The following RBM47 variants were observed in gnomAD, a reference collection of about 807,000 sequenced individuals.
RBM47 encodes RNA-binding protein 47.
A neutral mutation model predicts 47.1 loss-of-function variants in RBM47; 21 were observed. That is an observed-to-expected ratio of 0.45 (90% CI 0.32 to 0.64). RBM47 has a LOEUF of 0.64. RBM47 is among the 30% of genes least tolerant of loss of function. The probability of loss-of-function intolerance (pLI) is 0.05; values close to 1 mark genes in which losing one functional copy is unlikely to be tolerated. For missense variants in RBM47, 708 were observed against 870.9 expected (o/e 0.81, Z 2.35); for synonymous variants, 375 against 361.7 (o/e 1.04, Z -0.42).
chr4:40,498,117 C>T (rs1016547222), intron 2 of RBM47, among the ~76,000 whole-genome samples: 1 of 138,104 alleles, frequency 7.2e-6, no homozygotes, highest in Admixed American at 7.5e-5. Context: ...AAATGTTGAG[C>T]GCTGTTAGCA....
rs367927651 is a variant in RBM47, at chr4:40,540,638, C to CA, written c.-155+3783dup. Among the ~76,000 whole-genome samples the CA allele has an allele frequency of 8.1e-3, 867 of 106,770 alleles. 5 individuals carry two copies. Among genetic ancestry groups the CA allele is most frequent in the Non-Finnish European group, 0.012 (642 of 53,052 alleles). 70.0% of individuals were successfully genotyped at this position (106,770 alleles called of 152,430 possible). ...AGGTAACAGGAGTGAAACTCTGTCT[C>CA]AAAAAAAAAAAAAAATAATAATAAT... On this transcript the variant is annotated intron_variant, in intron 2 of 6. Coordinates refer to ENST00000295971, the MANE Select transcript of RBM47 (RefSeq NM_001098634.2).
intron 1 of RBM47, among the ~76,000 whole-genome samples, chr4:40,590,844 C>T (rs1734073301): frequency 6.6e-6 from 1 of 152,162 alleles, no homozygotes; most frequent in African/African-American, 2.4e-5. Context: ...GCACTGTCAC[C>T]CACGCTGGAG....
chr4:40,616,190 A>G (rs1262729551), intron 1 of RBM47, among the ~76,000 whole-genome samples: 1 of 152,056 alleles, frequency 6.6e-6, no homozygotes, highest in Non-Finnish European at 1.5e-5. Context: ...CGTCTCTACT[A>G]AAAACACAAA....
At position 40,438,349 on chromosome 4, in the gene RBM47, A is replaced by G; in HGVS notation, c.545T>C (p.Ile182Thr). ...CTTGTCGGCCGCGCTGGCGTAGACG[A>G]TCACGTCCAGCACGCCCTCGGTGAC... ...AKVTEGVLDVIVYASAADKMK... is the reference protein window; with the variant it reads ...AKVTEGVLDVTVYASAADKMK... Residue 182 changes from isoleucine (I) to threonine (T), a missense_variant, in exon 4 of 7, where the codon ATC (isoleucine) becomes ACC (threonine). Transcript: ENST00000295971. 2 of 1,611,206 alleles carry G rather than the reference A, an allele frequency of 1.2e-6. No homozygotes were observed. The highest frequency in any genetic ancestry group is 1.7e-6 in the Non-Finnish European group (2 of 1,179,936).
intron 2 of RBM47, among the ~76,000 whole-genome samples, chr4:40,497,850 G>T (rs56809140): frequency 0.15 from 22,936 of 148,454 alleles, 1,804 homozygotes; most frequent in East Asian, 0.19. Flanking sequence ...AGGTGTGGTG[G>T]CACATGTCTA....
chr4:40,473,013 G>A (rs138608245), intron 2 of RBM47, among the ~76,000 whole-genome samples: 3 of 152,226 alleles, frequency 2.0e-5, no homozygotes, highest in African/African-American at 2.4e-5. Context: ...CACATCCAAC[G>A]ATGTCCCTCA....
At chr4:40,525,427 A>C (rs1343982594) in intron 2 of RBM47, among the ~76,000 whole-genome samples, 1 of 152,208 alleles carries the variant, frequency 6.6e-6, no homozygotes, top group Non-Finnish European at 1.5e-5. Context: ...TCACAAACAA[A>C]GTGATAAACA....
chr4:40,582,687 TTTCCTGAACACA>T (rs1236354596), intron 1 of RBM47, among the ~76,000 whole-genome samples: 2 of 152,324 alleles, frequency 1.3e-5, no homozygotes, highest in African/African-American at 4.8e-5. Context: ...ACTTGTCACG[TTTCCTGAACACA>T]TTCTTCTGGC....
chr4:40,528,776 A>T (rs994687927), intron 2 of RBM47, among the ~76,000 whole-genome samples: 1 of 150,592 alleles, frequency 6.6e-6, no homozygotes, highest in African/African-American at 2.5e-5. Flanking sequence ...TTCAAAAAGA[A>T]AAAAACAAAA....
chr4:40,450,892 A>T (rs1417668069), intron 3 of RBM47, among the ~76,000 whole-genome samples: 1 of 152,188 alleles, frequency 6.6e-6, no homozygotes, highest in Non-Finnish European at 1.5e-5. Context: ...TGCGCATAAA[A>T]TTGCTTTCTG....
chr4:40,432,953 T>C, intron 5 of RBM47, 91 bp from the exon 6 acceptor site: 1 of 1,490,592 alleles, frequency 6.7e-7, no homozygotes, highest in Non-Finnish European at 8.9e-7. Flanking sequence ...TTTATTTTTA[T>C]TTTTTTAAAA....
intron 1 of RBM47, among the ~76,000 whole-genome samples, chr4:40,547,376 G>C (rs1018850530): frequency 1.4e-4 from 22 of 152,190 alleles, no homozygotes; most frequent in Non-Finnish European, 2.5e-4. Context: ...AGGAAATTCA[G>C]ACACAGACAA....
chr4:40,612,999 T>C (rs1389611371), intron 1 of RBM47, among the ~76,000 whole-genome samples: 1 of 152,190 alleles, frequency 6.6e-6, no homozygotes, highest in Non-Finnish European at 1.5e-5. Context: ...CATCAAATAT[T>C]GACTAAAAGG....
rs371378298 is a variant in RBM47, at chr4:40,423,700, CTT to C, written c.*2202_*2203del. The C allele has an allele frequency of 6.7e-5, 5 of 75,098 alleles. No homozygotes were observed. The highest frequency in any genetic ancestry group is 3.5e-4 in the African/African-American group (5 of 14,138). 4.7% of individuals were successfully genotyped at this position (75,098 alleles called of 1,614,324 possible). ...TCTTTCTTTCTTTCTTTCTTTCTTT[CTT>C]TCTTTCTTTCTTTTCTTTCTTTTCT... On this transcript the variant is annotated 3_prime_UTR_variant, in exon 7 of 7. Coordinates refer to ENST00000295971, the MANE Select transcript of RBM47 (RefSeq NM_001098634.2).
intron 2 of RBM47, among the ~76,000 whole-genome samples, chr4:40,498,088 A>ATAT (rs1451337894): frequency 3.6e-5 from 5 of 138,712 alleles, no homozygotes; most frequent in Non-Finnish European, 6.4e-5. Flanking sequence ...ATGTTTATCT[A>ATAT]ATTCCAGAAA....
At chr4:40,433,762 C>T (rs932927886) in intron 5 of RBM47, among the ~76,000 whole-genome samples, 7 of 146,758 alleles carry the variant, frequency 4.8e-5, no homozygotes, top group Non-Finnish European at 9.2e-5. Flanking sequence ...AGGAAAAACA[C>T]ATGGTAAAAA....
intron 6 of RBM47, among the ~76,000 whole-genome samples, chr4:40,431,462 T>C (rs1348781498): frequency 2.0e-5 from 3 of 151,994 alleles, no homozygotes; most frequent in South Asian, 2.1e-4. Context: ...ATTGAGACTA[T>C]CCTGGCTGAC....
chr4:40,496,730 C>T (rs577812373), intron 2 of RBM47, among the ~76,000 whole-genome samples: 2 of 152,136 alleles, frequency 1.3e-5, no homozygotes, highest in Non-Finnish European at 2.9e-5. Flanking sequence ...AGTACCATTC[C>T]TGCTTTTAGC....
intron 2 of RBM47, among the ~76,000 whole-genome samples, chr4:40,538,754 A>T (rs1241833944): frequency 6.6e-6 from 1 of 152,064 alleles, no homozygotes; most frequent in East Asian, 1.9e-4. Flanking sequence ...CTCCTGCCTC[A>T]GCCCAAGTAG....
Sources: allele counts gnomAD v4.1 joint callset (sites outside exome capture counted in the v4.1 genomes callset), GRCh38; gene constraint gnomAD v4.1.1; transcripts MANE v1.5; gene names NCBI Gene and HGNC (gene_info 2026-07-23, HGNC 2026-07-21).